Variants in PDE4D observed in about 807,000 individuals in gnomAD.
The protein encoded by PDE4D is phosphodiesterase 4D.
A neutral mutation model predicts 87.4 loss-of-function variants in PDE4D; 24 were observed. The observed-to-expected ratio is 0.27, with a 90% CI of 0.20 to 0.39. The LOEUF (loss-of-function observed/expected upper bound fraction) is 0.39, where lower values mean the gene tolerates loss of function less well. Among genes scored for constraint, PDE4D ranks in the 10% least tolerant of loss-of-function variants. The pLI, the probability that PDE4D is intolerant of heterozygous loss-of-function variation, is 1.00. For synonymous variants in PDE4D, 384 were observed against 383.2 expected, an observed-to-expected ratio of 1.00 and a Z score of -0.02; for missense variants, 714 against 1,041.0, an observed-to-expected ratio of 0.69 and a Z score of 4.32.
chr5:60,486,406 A>C (rs529564451), intron 1 of PDE4D, among the ~76,000 whole-genome samples: 56 of 152,296 alleles, frequency 3.7e-4, no homozygotes, highest in Middle Eastern at 3.4e-3. Flanking sequence ...AATGTATTAA[A>C]ATTACATTTT....
intron 2 of PDE4D, among the ~76,000 whole-genome samples, chr5:60,060,638 G>A (rs535943728): frequency 6.6e-6 from 1 of 151,978 alleles, no homozygotes; most frequent in Non-Finnish European, 1.5e-5. Context: ...CCTAGGTCTG[G>A]GGCTAACACT....
At chr5:60,261,763 C>T (rs145481578) in intron 1 of PDE4D, among the ~76,000 whole-genome samples, 1,988 of 152,208 alleles carry the variant, frequency 0.013, 17 homozygotes, top group Non-Finnish European at 0.019. Flanking sequence ...ATAAAAGTCT[C>T]TTCAATTAAG....
chr5:59,544,726 T>C (rs1013304322), intron 1 of PDE4D, among the ~76,000 whole-genome samples: 1 of 152,182 alleles, frequency 6.6e-6, no homozygotes, highest in Non-Finnish European at 1.5e-5. Flanking sequence ...AGCGAGCTGT[T>C]AGCTGAATTA....
chr5:59,760,422 T>C (rs1467654107), intron 1 of PDE4D, among the ~76,000 whole-genome samples: 1 of 152,182 alleles, frequency 6.6e-6, no homozygotes, highest in African/African-American at 2.4e-5. Flanking sequence ...TAAAAATACA[T>C]ATGTGTATAC....
intron 1 of PDE4D, among the ~76,000 whole-genome samples, chr5:60,468,814 C>T (rs932126106): frequency 3.3e-5 from 5 of 152,076 alleles, no homozygotes; most frequent in African/African-American, 1.2e-4. Flanking sequence ...GCATGAGCCA[C>T]CCACTGTGCC....
At chr5:60,317,134 A>G (rs137984255) in intron 1 of PDE4D, among the ~76,000 whole-genome samples, 1 of 151,790 alleles carries the variant, frequency 6.6e-6, no homozygotes, top group Non-Finnish European at 1.5e-5. Context: ...TTTTTGGTTG[A>G]TAAGCTATTA....
intron 2 of PDE4D, among the ~76,000 whole-genome samples, chr5:60,051,414 G>A (rs1282593802): frequency 6.6e-6 from 1 of 152,168 alleles, no homozygotes; most frequent in Non-Finnish European, 1.5e-5. Context: ...CATGGAAACT[G>A]AATAACCTGC....
At chr5:59,567,791 T>C (rs1821190588) in intron 1 of PDE4D, among the ~76,000 whole-genome samples, 1 of 152,176 alleles carries the variant, frequency 6.6e-6, no homozygotes, top group Non-Finnish European at 1.5e-5. Flanking sequence ...AGATTATAGA[T>C]AAGCAAGAGG....
At chr5:59,530,814 C>G (rs1365438812) in intron 1 of PDE4D, among the ~76,000 whole-genome samples, 1 of 152,124 alleles carries the variant, frequency 6.6e-6, no homozygotes, top group African/African-American at 2.4e-5. Context: ...TTCTCCAGCT[C>G]TAAATTTATT....
chr5:59,717,100 T>C (rs537758655), intron 1 of PDE4D, among the ~76,000 whole-genome samples: 1 of 152,328 alleles, frequency 6.6e-6, no homozygotes, highest in South Asian at 2.1e-4. Flanking sequence ...GCAAAACTGA[T>C]GCGAATTCCT....
At chr5:60,073,387 G>C (rs750002305) in intron 2 of PDE4D, among the ~76,000 whole-genome samples, 1 of 151,800 alleles carries the variant, frequency 6.6e-6, no homozygotes, top group Non-Finnish European at 1.5e-5. Context: ...TTAGTTTTTC[G>C]ATGTGCTCCT....
chr5:60,052,674 G>A (rs532743662), intron 2 of PDE4D, among the ~76,000 whole-genome samples: 16 of 152,168 alleles, frequency 1.1e-4, no homozygotes, highest in Non-Finnish European at 2.1e-4. Context: ...ACACAGTATT[G>A]GAAGTTCTGG....
intron 1 of PDE4D, among the ~76,000 whole-genome samples, chr5:59,847,960 G>A (rs994098215): frequency 1.4e-4 from 22 of 151,944 alleles, no homozygotes; most frequent in African/African-American, 5.1e-4. Flanking sequence ...ATTTCATTAT[G>A]TTTCTTATTT....
At chr5:60,151,157 A>G (rs1296852409) in intron 2 of PDE4D, among the ~76,000 whole-genome samples, 1 of 152,204 alleles carries the variant, frequency 6.6e-6, no homozygotes, top group Non-Finnish European at 1.5e-5. Flanking sequence ...TCTCAATGTG[A>G]TAAGTGTACT....
chr5:59,614,230 T>C (rs1829373644), intron 1 of PDE4D, among the ~76,000 whole-genome samples: 2 of 152,120 alleles, frequency 1.3e-5, no homozygotes, highest in African/African-American at 2.4e-5. Context: ...ATTAGCCCCA[T>C]AGGAATAGGC....
chr5:59,727,019 G>A (rs943326034), intron 1 of PDE4D, among the ~76,000 whole-genome samples: 3 of 151,992 alleles, frequency 2.0e-5, no homozygotes, highest in African/African-American at 4.8e-5. Context: ...CAGCCCAATA[G>A]AGGAGAAAGT....
intron 2 of PDE4D, among the ~76,000 whole-genome samples, chr5:60,033,182 G>A (rs1055339674): frequency 5.3e-5 from 8 of 151,830 alleles, no homozygotes; most frequent in African/African-American, 7.3e-5. Context: ...GCTGTTGTTC[G>A]GTAAACTACA....
At chr5:60,445,217 T>C (rs1218144439) in intron 1 of PDE4D, among the ~76,000 whole-genome samples, 1 of 152,096 alleles carries the variant, frequency 6.6e-6, no homozygotes, top group Non-Finnish European at 1.5e-5. Context: ...CAAGAAATGT[T>C]TGAAAAAGAT....
At chr5:59,519,166 T>C (rs770088558) in intron 1 of PDE4D, among the ~76,000 whole-genome samples, 2 of 152,118 alleles carry the variant, frequency 1.3e-5, no homozygotes, top group Non-Finnish European at 2.9e-5. Flanking sequence ...CAAATATTCA[T>C]TGAGCACCTA....
Sources: gnomAD v4.1 joint callset for allele counts (sites outside exome capture counted in the v4.1 genomes callset) on GRCh38, gnomAD v4.1.1 for gene constraint, MANE v1.5 for transcripts, NCBI Gene and HGNC (gene_info 2026-07-23, HGNC 2026-07-21) for gene names.